Variants in MEGF10 observed in about 807,000 individuals in gnomAD.
MEGF10 encodes multiple EGF like domains 10, also known as multiple epidermal growth factor-like domains protein 10.
A neutral mutation model predicts 147.5 loss-of-function variants in MEGF10; 86 were observed. The observed-to-expected ratio is 0.58, with a 90% CI of 0.49 to 0.70. The LOEUF is 0.70. MEGF10 is among the 30% of genes least tolerant of loss of function. The pLI, the probability that MEGF10 is intolerant of heterozygous loss-of-function variation, is 0.00. For missense variants in MEGF10, 1,329 were observed against 1,487.3 expected (o/e 0.89, Z 1.75); for synonymous variants, 478 against 525.5 (o/e 0.91, Z 1.24).
intron 1 of MEGF10, among the ~76,000 whole-genome samples, chr5:127,328,091 C>G (rs377729301): frequency 6.6e-6 from 1 of 152,146 alleles, no homozygotes; most frequent in South Asian, 2.1e-4. Flanking sequence ...AAAGGACAAT[C>G]CATGTTTCCT....
At chr5:127,273,361 C>T in the MEGF10 span, among the ~76,000 whole-genome samples, 1 of 152,122 alleles carries the variant, frequency 6.6e-6, no homozygotes, top group Non-Finnish European at 1.5e-5. Context: ...GAAAAAAAAA[C>T]TCGACATGGG....
At chr5:127,261,324 T>A in the MEGF10 span, among the ~76,000 whole-genome samples, 1 of 152,202 alleles carries the variant, frequency 6.6e-6, no homozygotes, top group African/African-American at 2.4e-5. Flanking sequence ...GTTTGCCTAA[T>A]CCAGACATTT....
At chr5:127,380,416 A>AT (rs1336421289) in intron 5 of MEGF10, among the ~76,000 whole-genome samples, 3 of 152,170 alleles carry the variant, frequency 2.0e-5, no homozygotes, top group African/African-American at 7.2e-5. Context: ...AGAGGGCGTG[A>AT]TGCGAAGTCC....
chr5:127,242,845 T>C, the MEGF10 span, among the ~76,000 whole-genome samples: 1,421 of 152,250 alleles, frequency 9.3e-3, 19 homozygotes, highest in African/African-American at 0.031. Context: ...ACAAAAAATA[T>C]AGCCTACTTT....
rs573081884 is a variant in MEGF10 at position 127,292,194 on chromosome 5, C to T, written c.-19+1138C>T. On this transcript the variant is annotated intron_variant, in intron 1 of 24. Coordinates refer to ENST00000503335, the MANE Select transcript of MEGF10 (RefSeq NM_001256545.2). ...TTTACCACTGAGAGTTCAAAGAGTT[C>T]AGTTGGTAAACTCTGGGCACCCGCC... 1.4e-4 allele frequency among the ~76,000 whole-genome samples: 22 copies of T among 152,268 alleles called. No homozygotes were observed. The South Asian group carries it at 4.4e-3, about 30-fold the overall frequency.
At chr5:127,247,476 G>T in the MEGF10 span, among the ~76,000 whole-genome samples, 1 of 147,860 alleles carries the variant, frequency 6.8e-6, no homozygotes, top group Non-Finnish European at 1.5e-5. Flanking sequence ...AGAAGAAGAA[G>T]AAGAAGAAGA....
chr5:127,449,009 T>A (rs963251802), intron 21 of MEGF10, 90 bp from the exon 22 acceptor site: 1 of 1,532,698 alleles, frequency 6.5e-7, no homozygotes, highest in Non-Finnish European at 8.8e-7. Flanking sequence ...GTCCTCAATA[T>A]GTGCCCTGGA....
intron 1 of MEGF10, among the ~76,000 whole-genome samples, chr5:127,312,381 C>T (rs1032807794): frequency 3.3e-5 from 5 of 152,118 alleles, no homozygotes; most frequent in Non-Finnish European, 1.5e-5. Flanking sequence ...GCACCGTGTC[C>T]GACATACACT....
intron 1 of MEGF10, among the ~76,000 whole-genome samples, chr5:127,302,656 G>A (rs764831013): frequency 6.6e-6 from 1 of 152,212 alleles, no homozygotes; most frequent in Non-Finnish European, 1.5e-5. Flanking sequence ...TTTGCATTTA[G>A]GTGAGATGTG....
chr5:127,397,965 A>G (rs1224708592), intron 6 of MEGF10, among the ~76,000 whole-genome samples: 1 of 151,964 alleles, frequency 6.6e-6, no homozygotes, highest in Admixed American at 6.6e-5. Context: ...TAACACAGGA[A>G]CAGAAAACCA....
In MEGF10 at chr5:127,457,371, G is replaced by A. The variant is rs1580895849; in HGVS notation, c.*53G>A. ...GAACCCTTTCCAGAACTGCTGTTTG[G>A]TTCTTCTCCATCCTCAATTTTGCCA... On this transcript the variant is annotated 3_prime_UTR_variant, in exon 25 of 25. Coordinates refer to ENST00000503335, the MANE Select transcript of MEGF10 (RefSeq NM_001256545.2). 1.7e-5 allele frequency: 26 copies of A among 1,549,904 alleles called. No individual in the cohort carries two copies. The highest frequency in any genetic ancestry group is 1.7e-4 in the Middle Eastern group (1 of 5,744).
rs1255715504 is a variant in MEGF10 at position 127,459,468 on chromosome 5, A to AGAAGAAATAAGACATTTTC, written c.*2151_*2169dup. On this transcript the variant is annotated 3_prime_UTR_variant, in exon 25 of 25. Transcript: ENST00000503335. ...ATAGCCATCGGGGTCCTTTTTGGTG[A>AGAAGAAATAAGACATTTTC]GAAGAAATAAGACATTTTCTCCCTT... 2 of 152,200 alleles carry AGAAGAAATAAGACATTTTC rather than the reference A, an allele frequency of 1.3e-5. No homozygotes were observed. The highest frequency in any genetic ancestry group is 2.9e-5 in the Non-Finnish European group (2 of 68,040). 9.4% of individuals were successfully genotyped at this position (152,200 alleles called of 1,614,324 possible).
chr5:127,420,029 G>A lies in MEGF10; in HGVS notation c.1427-15G>A, dbSNP rs756218266. 2.5e-6 allele frequency: 4 copies of A among 1,613,178 alleles called. No individual in the cohort carries two copies. Among genetic ancestry groups the A allele is most frequent in the East Asian group, 2.2e-5 (1 of 44,864 alleles). ...CCTTTGTTCGCTCACGTGCTCTGGC[G>A]TTCTTGTCGCACAGGCTGGCACGGG... On this transcript the variant is annotated splice_polypyrimidine_tract_variant and intron_variant, in intron 11 of 24. Coordinates refer to ENST00000503335, the MANE Select transcript of MEGF10 (RefSeq NM_001256545.2).
intron 4 of MEGF10, among the ~76,000 whole-genome samples, chr5:127,361,601 T>G (rs1580762858): frequency 6.6e-6 from 1 of 152,236 alleles, no homozygotes; most frequent in East Asian, 1.9e-4. Context: ...TTCTAGTTTC[T>G]TAAGGTGGAA....
At chr5:127,298,092 A>G (rs1759590367) in intron 1 of MEGF10, among the ~76,000 whole-genome samples, 1 of 152,232 alleles carries the variant, frequency 6.6e-6, no homozygotes, top group Admixed American at 6.5e-5. Flanking sequence ...GTTTGGGACT[A>G]TGGAAAGAGT....
In MEGF10 at chr5:127,454,626, G is replaced by T. The variant is rs375563689; in HGVS notation, c.3025+16G>T. Reference sequence around the variant, plus strand: ...TCCTTAAAAGGTATCATGTAAATTTGAAGAAGAAATCAGAAGCACAATTAA... The same window carrying T: ...TCCTTAAAAGGTATCATGTAAATTTTAAGAAGAAATCAGAAGCACAATTAA... On this transcript the variant is annotated intron_variant, in intron 23 of 24. Transcript: ENST00000503335. 1.3e-6 allele frequency: 2 copies of T among 1,599,086 alleles called. No homozygotes were observed. Among genetic ancestry groups the T allele is most frequent in the Non-Finnish European group, 1.7e-6 (2 of 1,174,318 alleles).
chr5:127,291,975 A>G (rs1310212852), intron 1 of MEGF10, among the ~76,000 whole-genome samples: 2 of 152,222 alleles, frequency 1.3e-5, no homozygotes, highest in African/African-American at 4.8e-5. Context: ...GCCAAGGCAG[A>G]AGAGAATGAC....
At position 127,440,839 on chromosome 5, in the gene MEGF10, T is replaced by C. The variant is rs1157441816; in HGVS notation, c.2334T>C (p.Thr778=). 2 of 1,614,148 alleles carry C rather than the reference T, an allele frequency of 1.2e-6. No individual in the cohort carries two copies. Among genetic ancestry groups the C allele is most frequent in the Admixed American group, 1.7e-5 (1 of 60,032 alleles). ...DHISGQCTCR[T]GFMGRHCEQK... Reference sequence around the variant, plus strand: ...TTTCTGGGCAGTGTACTTGCCGCACTGGATTCATGGGACGGCACTGTGAGC... The same window carrying C: ...TTTCTGGGCAGTGTACTTGCCGCACCGGATTCATGGGACGGCACTGTGAGC... Residue 778 remains threonine, a synonymous_variant, in exon 18 of 25, where the codon ACT becomes ACC. Coordinates refer to ENST00000503335, the MANE Select transcript of MEGF10 (RefSeq NM_001256545.2).
intron 4 of MEGF10, among the ~76,000 whole-genome samples, chr5:127,368,097 A>C (rs1162797653): frequency 6.6e-6 from 1 of 152,218 alleles, no homozygotes; most frequent in Non-Finnish European, 1.5e-5. Context: ...AAGTTCAAAC[A>C]CATACCTACA....
Sources: allele counts gnomAD v4.1 joint callset (sites outside exome capture counted in the v4.1 genomes callset), GRCh38; gene constraint gnomAD v4.1.1; transcripts MANE v1.5; gene names NCBI Gene and HGNC (gene_info 2026-07-23, HGNC 2026-07-21).